VAV2: variants seen among roughly 807,000 people sequenced by gnomAD.
VAV2 encodes the protein guanine nucleotide exchange factor VAV2.
Under a neutral mutation model 132.5 loss-of-function variants are expected in VAV2, and 67 were observed. The ratio of observed to expected loss-of-function variants is 0.51; its 90% CI spans 0.42 to 0.62. VAV2 has a LOEUF of 0.62. VAV2 is among the 20% of genes least tolerant of loss of function. The pLI is 0.00. For synonymous variants in VAV2, 492 were observed against 443.5 expected, an observed-to-expected ratio of 1.11 and a Z score of -1.37; for missense variants, 938 against 1,153.6, an observed-to-expected ratio of 0.81 and a Z score of 2.71.
At position 133,971,017 on chromosome 9, in the gene VAV2, T is replaced by C. The variant is rs552823878; in HGVS notation, c.204+21058A>G. On this transcript the variant is annotated intron_variant, in intron 1 of 29. Coordinates refer to ENST00000371850, the MANE Select transcript of VAV2 (RefSeq NM_001134398.2). ...ATCTTTTCCTTTTTGAAATAAAAAA[T>C]ATATATATATTACAGGTGCAAGTCA... is the stretch of plus-strand genomic sequence containing the variant. Among the ~76,000 whole-genome samples the C allele has an allele frequency of 7.9e-5, 12 of 152,240 alleles. No individual in the cohort carries two copies. In the South Asian group the frequency reaches 2.1e-3, roughly 26 times the overall value.
chr9:133,772,418 C>A (rs1306857548), intron 25 of VAV2, among the ~76,000 whole-genome samples: 1 of 152,216 alleles, frequency 6.6e-6, no homozygotes, highest in African/African-American at 2.4e-5. Flanking sequence ...CTCCTGACAT[C>A]CTTCCCTGCA....
At chr9:133,818,041 C>G (rs992426631) in intron 4 of VAV2, among the ~76,000 whole-genome samples, 3 of 152,056 alleles carry the variant, frequency 2.0e-5, no homozygotes, top group African/African-American at 7.3e-5. Context: ...AGGTGTCATC[C>G]AATCCATTGA....
In VAV2 at chr9:133,840,702, G is replaced by A. The variant is rs1000214597; in HGVS notation, c.381-6362C>T. The stretch of plus-strand genomic sequence containing the variant: ...ATTACGGGGCACCTGCGTGGGGCTG[G>A]CATGGGCGGCCATTTGTCACTGATT... On this transcript the variant is annotated intron_variant, in intron 3 of 29. Coordinates refer to ENST00000371850, the MANE Select transcript of VAV2 (RefSeq NM_001134398.2). The surrounding 1 kb of genome is among the most constrained non-coding windows in gnomAD (Gnocchi z 4.5). Among the ~76,000 whole-genome samples, 1 of 152,212 alleles carries A rather than the reference G, an allele frequency of 6.6e-6. No homozygotes were observed. Among genetic ancestry groups the A allele is most frequent in the East Asian group, 1.9e-4 (1 of 5,198 alleles).
At position 133,863,388 on chromosome 9, in the gene VAV2, T is replaced by G. The variant is rs951049835; in HGVS notation, c.322-1956A>C. Among the ~76,000 whole-genome samples the G allele has an allele frequency of 6.6e-6, 1 of 152,120 alleles. No homozygotes were observed. The highest frequency in any genetic ancestry group is 1.5e-5 in the Non-Finnish European group (1 of 68,004). Reference sequence around the variant, plus strand: ...ACACACAAGAACCTGTTTGTCAACCTGGAGTCAGCGCAAAGGCCCCAGGTC... The same window carrying G: ...ACACACAAGAACCTGTTTGTCAACCGGGAGTCAGCGCAAAGGCCCCAGGTC... On this transcript the variant is annotated intron_variant, in intron 2 of 29. Transcript: ENST00000371850. This position sits in a 1 kb window ranked among gnomAD's most constrained non-coding sequence, Gnocchi z 5.0.
chr9:133,986,397 G>A (rs1182552355), intron 1 of VAV2, among the ~76,000 whole-genome samples: 1 of 152,194 alleles, frequency 6.6e-6, no homozygotes, highest in Non-Finnish European at 1.5e-5. Context: ...GACAGAGGGG[G>A]ACACAGCCAC....
rs867805810 is a variant in VAV2, at chr9:133,864,842, A to G, written c.322-3410T>C. Among the ~76,000 whole-genome samples the G allele has an allele frequency of 8.5e-5, 13 of 152,362 alleles. 1 individual carries two copies. Among genetic ancestry groups the G allele is most frequent in the Middle Eastern group, 6.8e-3 (2 of 294 alleles). On this transcript the variant is annotated intron_variant, in intron 2 of 29. Transcript: ENST00000371850. ...TCCCTGAAGCCCCTCCACAATGGAC[A>G]GGGAAGCAGAGGGTTCAGGAAGGAC... is the stretch of plus-strand genomic sequence containing the variant.
chr9:133,906,830 G>A (rs531114650), intron 2 of VAV2, among the ~76,000 whole-genome samples: 40 of 152,284 alleles, frequency 2.6e-4, no homozygotes, highest in African/African-American at 9.1e-4. Flanking sequence ...TCTGACGTGC[G>A]GAGACCCATG....
In VAV2 at chr9:133,810,118, C is replaced by A. The variant is rs1197275496; in HGVS notation, c.567+73G>T. 3.7e-6 allele frequency: 6 copies of A among 1,605,782 alleles called. No individual in the cohort carries two copies. The Admixed American group carries it at 1.0e-4, about 27-fold the overall frequency. ...GGGTCCCGAGTTTTCTCAGAGAGGT[C>A]TGAGACCTCCCTGAAAGGTCAAGAA... On this transcript the variant is annotated intron_variant, in intron 6 of 29. Transcript: ENST00000371850.
chr9:133,930,275 C>G (rs1840632988), intron 2 of VAV2, among the ~76,000 whole-genome samples: 1 of 148,508 alleles, frequency 6.7e-6, no homozygotes, highest in Non-Finnish European at 1.5e-5. Context: ...ACTACCCTCC[C>G]TGCCTCCACC....
At chr9:133,893,724 G>A (rs118124257) in intron 2 of VAV2, among the ~76,000 whole-genome samples, 1 of 152,312 alleles carries the variant, frequency 6.6e-6, no homozygotes, top group East Asian at 1.9e-4. Flanking sequence ...CCTGAACCTC[G>A]GAGGGTGGCG....
chr9:133,915,883 A>G (rs55899213), intron 2 of VAV2, among the ~76,000 whole-genome samples: 11,281 of 150,912 alleles, frequency 0.075, 721 homozygotes, highest in African/African-American at 0.17. Context: ...CGACCCACAC[A>G]TGCACACTCA....
chr9:133,886,013 G>A (rs574486019), intron 2 of VAV2, among the ~76,000 whole-genome samples: 2 of 152,314 alleles, frequency 1.3e-5, no homozygotes, highest in South Asian at 4.2e-4. Context: ...CAGGAGACTG[G>A]TCTGGTCCCA....
chr9:133,983,421 GT>G (rs2132298453), intron 1 of VAV2, among the ~76,000 whole-genome samples: 1 of 152,274 alleles, frequency 6.6e-6, no homozygotes, highest in South Asian at 2.1e-4. Context: ...GGCACAGGGG[GT>G]GGGGCGGATG....
intron 19 of VAV2, among the ~76,000 whole-genome samples, chr9:133,781,766 C>T (rs1025755236): frequency 6.6e-6 from 1 of 152,174 alleles, no homozygotes; most frequent in Non-Finnish European, 1.5e-5. Flanking sequence ...AGGACGGCGT[C>T]CCCCAGCAGA....
At chr9:133,985,487 G>T (rs527298541) in intron 1 of VAV2, among the ~76,000 whole-genome samples, 15 of 152,172 alleles carry the variant, frequency 9.9e-5, no homozygotes, top group Non-Finnish European at 1.8e-4. Context: ...TCGCCATATT[G>T]GCCAGACTGG....
intron 3 of VAV2, among the ~76,000 whole-genome samples, chr9:133,860,644 T>G (rs1837557989): frequency 6.6e-6 from 1 of 152,024 alleles, no homozygotes; most frequent in African/African-American, 2.4e-5. Flanking sequence ...CAGGCCAGGC[T>G]CTCTCTGCCA....
intron 3 of VAV2, among the ~76,000 whole-genome samples, chr9:133,853,040 G>A (rs886728526): frequency 4.6e-5 from 7 of 152,118 alleles, no homozygotes; most frequent in African/African-American, 1.7e-4. Flanking sequence ...ATTCACAGAC[G>A]ACATCCCAGG....
Position 133,863,484 on chromosome 9 carries a change from G to A in VAV2, c.322-2052C>T, listed in dbSNP as rs1244040143. On this transcript the variant is annotated intron_variant, in intron 2 of 29. Transcript: ENST00000371850. This position sits in a 1 kb window ranked among gnomAD's most constrained non-coding sequence, Gnocchi z 5.0. ...GAGAGGAGGCGTGGCGGGCGAGCCAGCCAAGGCCAGAACATGGTTCTCCTG... is the reference window on the plus strand; with the variant it reads ...GAGAGGAGGCGTGGCGGGCGAGCCAACCAAGGCCAGAACATGGTTCTCCTG... Among the ~76,000 whole-genome samples, 2 of 152,360 alleles carry A rather than the reference G, an allele frequency of 1.3e-5. No individual in the cohort carries two copies. The highest frequency in any genetic ancestry group is 3.9e-4 in the East Asian group (2 of 5,184).
chr9:133,847,332 A>G (rs1469857459), intron 3 of VAV2, among the ~76,000 whole-genome samples: 1 of 152,214 alleles, frequency 6.6e-6, no homozygotes, highest in African/African-American at 2.4e-5. Flanking sequence ...CACCAACCCT[A>G]GCCGGGACCT....
Sources: allele counts gnomAD v4.1 joint callset (sites outside exome capture counted in the v4.1 genomes callset), GRCh38; gene constraint gnomAD v4.1.1; non-coding constraint Gnocchi (gnomAD v3.1); transcripts MANE v1.5; gene names NCBI Gene and HGNC (gene_info 2026-07-23, HGNC 2026-07-21).